Variants in LDLRAD4 observed in about 807,000 individuals in gnomAD.
LDLRAD4 encodes the protein low-density lipoprotein receptor class A domain-containing protein 4.
LDLRAD4 carries 5 observed loss-of-function variants against 17.0 expected under a neutral mutation model. The ratio of observed to expected loss-of-function variants is 0.29; its 90% CI spans 0.15 to 0.62. The LOEUF (loss-of-function observed/expected upper bound fraction) is 0.62. LDLRAD4 is among the 20% of genes least tolerant of loss of function. The pLI is 0.84. For missense variants in LDLRAD4, 340 were observed against 424.7 expected (o/e 0.80, Z 1.75); for synonymous variants, 168 against 171.8 (o/e 0.98, Z 0.17).
chr18:13,264,678 C>CT (rs1298334982), intron 1 of LDLRAD4, among the ~76,000 whole-genome samples: 1 of 152,228 alleles, frequency 6.6e-6, no homozygotes, highest in Admixed American at 6.5e-5. Context: ...AATGGCTGTT[C>CT]TTTGGACTGT....
chr18:13,524,371 G>T (rs2093998048), intron 3 of LDLRAD4, among the ~76,000 whole-genome samples: 1 of 152,090 alleles, frequency 6.6e-6, no homozygotes, highest in Non-Finnish European at 1.5e-5. Flanking sequence ...TTTTTCTAAA[G>T]AAAAATGCAG....
Position 13,473,678 on chromosome 18 carries a change from T to TATATATAAAA in LDLRAD4, c.181+35295_181+35296insTATATAAAAA, listed in dbSNP as rs374731826. Among the ~76,000 whole-genome samples the TATATATAAAA allele has an allele frequency of 4.1e-4, 33 of 79,950 alleles. 1 individual carries two copies. Among genetic ancestry groups the TATATATAAAA allele is most frequent in the South Asian group, 1.3e-3 (3 of 2,378 alleles). 52.5% of individuals were successfully genotyped at this position (79,950 alleles called of 152,430 possible). On this transcript the variant is annotated intron_variant, in intron 3 of 5. Transcript: ENST00000359446. ...ATATATATATATATATATATATATA[T>TATATATAAAA]AACGTTTACATTTTATATATATTTA...
At chr18:13,268,721 A>G (rs980235047) in intron 1 of LDLRAD4, among the ~76,000 whole-genome samples, 2 of 152,252 alleles carry the variant, frequency 1.3e-5, no homozygotes, top group African/African-American at 4.8e-5. Flanking sequence ...TGGCTTGGAA[A>G]GATTTTCATG....
chr18:13,621,684 A>G lies in LDLRAD4; in HGVS notation c.336+413A>G, dbSNP rs1043402321. The stretch of plus-strand genomic sequence containing the variant: ...GGGTCCTGGAGGTGCTGCGGGGACA[A>G]ATCACGCGCTCATCGTCACTAAACG... On this transcript the variant is annotated intron_variant, in intron 4 of 5. Transcript: ENST00000359446. This position sits in a 1 kb window ranked among gnomAD's most constrained non-coding sequence, Gnocchi z 5.5. 6.6e-6 allele frequency among the ~76,000 whole-genome samples: 1 copy of G among 152,156 alleles called. No homozygotes were observed. The highest frequency in any genetic ancestry group is 1.5e-5 in the Non-Finnish European group (1 of 68,036).
intron 3 of LDLRAD4, among the ~76,000 whole-genome samples, chr18:13,592,425 A>C (rs897177458): frequency 1.3e-5 from 2 of 152,254 alleles, no homozygotes; most frequent in African/African-American, 4.8e-5. Flanking sequence ...CATGCTTTAG[A>C]AAATACTGTC....
At chr18:13,404,530 G>A (rs1421954837) in intron 2 of LDLRAD4, among the ~76,000 whole-genome samples, 5 of 152,168 alleles carry the variant, frequency 3.3e-5, no homozygotes, top group African/African-American at 1.2e-4. Flanking sequence ...GGGCATGGTG[G>A]CTCATGCTTG....
intron 1 of LDLRAD4, among the ~76,000 whole-genome samples, chr18:13,359,147 C>T (rs1013181298): frequency 1.3e-5 from 2 of 152,088 alleles, no homozygotes; most frequent in Non-Finnish European, 2.9e-5. Context: ...TGTGCTCAGC[C>T]TCAGGCTTTG....
At chr18:13,258,390 A>G (rs2043620560) in intron 1 of LDLRAD4, among the ~76,000 whole-genome samples, 1 of 152,016 alleles carries the variant, frequency 6.6e-6, no homozygotes, top group African/African-American at 2.4e-5. Context: ...TGTTAGCATT[A>G]ACATGGAATC....
intron 1 of LDLRAD4, among the ~76,000 whole-genome samples, chr18:13,246,903 G>C (rs2145766218): frequency 1.3e-5 from 2 of 150,448 alleles, no homozygotes; most frequent in South Asian, 4.2e-4. Context: ...GGTTAATTTT[G>C]TTCCTGAAAA....
intron 3 of LDLRAD4, among the ~76,000 whole-genome samples, chr18:13,610,942 C>T (rs1203083027): frequency 1.3e-5 from 2 of 152,146 alleles, no homozygotes; most frequent in East Asian, 1.9e-4. Flanking sequence ...GGATTTCCCT[C>T]GCGGCTGTAT....
intron 3 of LDLRAD4, among the ~76,000 whole-genome samples, chr18:13,483,265 C>T (rs187752576): frequency 3.1e-4 from 47 of 152,322 alleles, no homozygotes; most frequent in Admixed American, 8.5e-4. Context: ...TGCCACAACA[C>T]GGCTCTGTAG....
intron 3 of LDLRAD4, chr18:13,522,792 TTTGGGGC>T (rs2093972252): frequency 6.5e-6 from 1 of 152,980 alleles, no homozygotes; most frequent in African/African-American, 2.4e-5. Context: ...CCTAGGGTGT[TTTGGGGC>T]TTGGGGGGGG....
chr18:13,475,528 C>T (rs531704824), intron 3 of LDLRAD4, among the ~76,000 whole-genome samples: 143 of 150,860 alleles, frequency 9.5e-4, no homozygotes, highest in Non-Finnish European at 1.7e-3. Flanking sequence ...CTGGGATTAC[C>T]GGCATGAGCC....
At chr18:13,477,879 G>T (rs2092984579) in intron 3 of LDLRAD4, among the ~76,000 whole-genome samples, 1 of 152,174 alleles carries the variant, frequency 6.6e-6, no homozygotes, top group Non-Finnish European at 1.5e-5. Context: ...AATCCAGCAG[G>T]CACATCTCAC....
At chr18:13,275,105 T>A (rs1041852213), upstream of LDLRAD4, among the ~76,000 whole-genome samples, 2 of 152,198 alleles carry the variant, frequency 1.3e-5, no homozygotes, top group South Asian at 4.2e-4. Context: ...TGGCATTTTG[T>A]TTTAGAATTA....
chr18:13,417,809 A>G (rs1568122921), intron 2 of LDLRAD4, among the ~76,000 whole-genome samples: 1 of 151,998 alleles, frequency 6.6e-6, no homozygotes, highest in East Asian at 1.9e-4. Flanking sequence ...TTTTTGCTCA[A>G]TCAGTTTATT....
rs114963455 is a variant in LDLRAD4, at chr18:13,317,567, C to G, written c.-383+39379C>G. Among the ~76,000 whole-genome samples, 371 of 152,130 alleles carry G rather than the reference C, an allele frequency of 2.4e-3. 1 individual carries two copies. The highest frequency in any genetic ancestry group is 8.2e-3 in the African/African-American group (339 of 41,532). The stretch of plus-strand genomic sequence containing the variant: ...TAGGATTGGTAGAACAATGGTACAC[C>G]TGTCTATTTTCCGTGGGTGCCACTG... On this transcript the variant is annotated intron_variant, in intron 1 of 5. Coordinates refer to ENST00000359446, the Ensembl canonical transcript of LDLRAD4.
At chr18:13,297,133 C>T (rs142366064) in intron 1 of LDLRAD4, among the ~76,000 whole-genome samples, 82 of 152,262 alleles carry the variant, frequency 5.4e-4, no homozygotes, top group Non-Finnish European at 9.7e-4. Context: ...TATTTTGCTT[C>T]GTGTTCTGAA....
intron 1 of LDLRAD4, among the ~76,000 whole-genome samples, chr18:13,344,580 C>G (rs2082570452): frequency 6.6e-6 from 1 of 152,100 alleles, no homozygotes; most frequent in South Asian, 2.1e-4. Context: ...TTTTTTAGTT[C>G]CATGTGAACT....
Sources: gnomAD v4.1 joint callset for allele counts (sites outside exome capture counted in the v4.1 genomes callset) on GRCh38, gnomAD v4.1.1 for gene constraint, Gnocchi (gnomAD v3.1) non-coding constraint, MANE v1.5 for transcripts, NCBI Gene and HGNC (gene_info 2026-07-23, HGNC 2026-07-21) for gene names.